Variants in BRWD1 observed in about 807,000 individuals in gnomAD.
BRWD1 encodes bromodomain and WD repeat domain containing 1.
In BRWD1, 82 loss-of-function variants were observed where a neutral mutation model predicts 251.2. That is an observed-to-expected ratio of 0.33 (90% CI 0.27 to 0.39). The LOEUF is 0.39. BRWD1 is among the 10% of genes least tolerant of loss of function. BRWD1 has a pLI of 1.00. For synonymous variants in BRWD1, 918 were observed against 902.8 expected (o/e 1.02, Z -0.30); for missense variants, 2,233 against 2,711.6 (o/e 0.82, Z 3.92).
intron 8 of BRWD1, among the ~76,000 whole-genome samples, chr21:39,289,446 A>G (rs150262388): frequency 1.3e-5 from 2 of 151,658 alleles, no homozygotes; most frequent in African/African-American, 4.8e-5. Flanking sequence ...GTTTATTTCC[A>G]TTTACCCACA....
At chr21:39,278,655 A>G in intron 10 of BRWD1, 88 bp downstream of exon 10, 1 of 897,118 alleles carries the variant, frequency 1.1e-6, no homozygotes, top group Non-Finnish European at 1.7e-6. Context: ...TTTACCATGT[A>G]GCTAATAAAA....
At position 39,289,831 on chromosome 21, in the gene BRWD1, T is replaced by C. The variant is rs1239068283; in HGVS notation, c.831+3980A>G. Among the ~76,000 whole-genome samples, 16 of 151,852 alleles carry C rather than the reference T, an allele frequency of 1.1e-4. No homozygotes were observed. The East Asian group carries it at 2.5e-3, about 24-fold the overall frequency. The stretch of plus-strand genomic sequence containing the variant: ...TGAGGTCAGGAGATCGAGACCATCT[T>C]GGCTAACACGGTGAAACCTCGTCTC... On this transcript the variant is annotated intron_variant, in intron 8 of 40. Transcript: ENST00000342449.
At chr21:39,209,273 T>C (rs1016343323) in intron 36 of BRWD1, among the ~76,000 whole-genome samples, 1 of 151,978 alleles carries the variant, frequency 6.6e-6, no homozygotes, top group Non-Finnish European at 1.5e-5. Flanking sequence ...TCAGAATCCA[T>C]GCCCTGAACC....
At chr21:39,315,119 C>T (rs137863439), upstream of BRWD1, among the ~76,000 whole-genome samples, 2,166 of 152,190 alleles carry the variant, frequency 0.014, 47 homozygotes, top group African/African-American at 0.049. Flanking sequence ...GCCTCAGCCT[C>T]CCGAGTAGCT....
At chr21:39,228,746 T>C (rs564466237) in intron 26 of BRWD1, among the ~76,000 whole-genome samples, 164 bp from the exon 27 acceptor site, 50 of 152,270 alleles carry the variant, frequency 3.3e-4, no homozygotes, top group African/African-American at 1.1e-3. Flanking sequence ...ATATTTTAAA[T>C]ATATCCAAAA....
Position 39,188,765 on chromosome 21 carries a change from A to G in BRWD1, c.*7494T>C. The G allele has an allele frequency of 1.0e-6, 1 of 985,424 alleles. No individual in the cohort carries two copies. The highest frequency in any genetic ancestry group is 1.2e-6 in the Non-Finnish European group (1 of 829,916). The allele number at this position is 985,424 out of a possible 1,614,324, so 61.0% of individuals were successfully genotyped here. ...CCCAGAATAGGTTAGGAAATACTTT[A>G]TTCAAAGCAACCCCACCACATACAC... On this transcript the variant is annotated 3_prime_UTR_variant, in exon 41 of 41. Transcript: ENST00000342449.
upstream of BRWD1, chr21:39,314,189 C>A (rs981174628): frequency 1.0e-4 from 47 of 456,018 alleles, no homozygotes; most frequent in African/African-American, 7.2e-4. Flanking sequence ...CGCCGCGCCT[C>A]CCGCAGAGGG....
intron 25 of BRWD1, among the ~76,000 whole-genome samples, chr21:39,231,970 T>A (rs1232208102): frequency 6.6e-6 from 1 of 152,210 alleles, no homozygotes; most frequent in African/African-American, 2.4e-5. Context: ...TTTAACATTT[T>A]ACACACCAAT....
intron 8 of BRWD1, among the ~76,000 whole-genome samples, chr21:39,291,758 C>T (rs894300506): frequency 1.3e-5 from 2 of 152,124 alleles, no homozygotes; most frequent in Non-Finnish European, 2.9e-5. Context: ...ACATATGTGT[C>T]AGCATGATTC....
intron 32 of BRWD1, 31 bp from the exon 33 acceptor site, chr21:39,213,584 G>A: frequency 7.0e-7 from 1 of 1,437,888 alleles, no homozygotes; most frequent in Non-Finnish European, 9.7e-7. Flanking sequence ...TTAATAGTAT[G>A]CAGATGTAGT....
At chr21:39,270,989 A>G (rs982319841) in intron 13 of BRWD1, among the ~76,000 whole-genome samples, 2 of 152,220 alleles carry the variant, frequency 1.3e-5, no homozygotes, top group Non-Finnish European at 2.9e-5. Flanking sequence ...AATGTTTTTC[A>G]TCCTTTATAA....
rs754661413 is a variant in BRWD1, at chr21:39,264,958, A to T, written c.1592T>A (p.Phe531Tyr). 1 of 1,613,864 alleles carries T rather than the reference A, an allele frequency of 6.2e-7. No homozygotes were observed. Among genetic ancestry groups the T allele is most frequent in the Admixed American group, 1.7e-5 (1 of 60,014 alleles). The change falls in exon 16 of 41, where the codon TTT becomes TAT. Residue 531 changes from phenylalanine (F) to tyrosine (Y), a missense_variant. Transcript: ENST00000342449. ...GTGCCCATGAGAATCTGTACAGGCA[A>T]AATGCTGTCCATCCTGTGAAAACTT... ...DCKFSQDGQH[F>Y]ACTDSHGHLL...
chr21:39,215,855 C>G (rs1408051037), intron 31 of BRWD1, among the ~76,000 whole-genome samples: 2 of 151,952 alleles, frequency 1.3e-5, no homozygotes. Flanking sequence ...AAAAAATTAG[C>G]CAGGCGTACT....
chr21:39,208,970 C>G (rs1051852251), intron 36 of BRWD1, among the ~76,000 whole-genome samples: 1 of 120,434 alleles, frequency 8.3e-6, no homozygotes, highest in Admixed American at 8.1e-5. Flanking sequence ...CTTAAGTTTA[C>G]AAAATGACAA....
intron 31 of BRWD1, chr21:39,217,054 TATATATATATATATATATATATATATATA>T (rs1568877968): frequency 3.9e-3 from 68 of 17,376 alleles, no homozygotes; most frequent in East Asian, 4.5e-3. Flanking sequence ...TATATATTTA[TATATATATATATATATATATATATATATA>T]TTTTTTTTTT....
At chr21:39,205,695 C>T (rs553590768) in intron 37 of BRWD1, among the ~76,000 whole-genome samples, 1 of 152,192 alleles carries the variant, frequency 6.6e-6, no homozygotes, top group South Asian at 2.1e-4. Flanking sequence ...CTGCTTGACC[C>T]GGGAGGCAGA....
intron 13 of BRWD1, among the ~76,000 whole-genome samples, chr21:39,274,091 GC>G (rs1460881334): frequency 2.6e-5 from 4 of 152,082 alleles, no homozygotes; most frequent in African/African-American, 9.7e-5. Context: ...ACTTGTAGAA[GC>G]TTTTAAATGC....
upstream of BRWD1, chr21:39,314,240 T>C (rs1406010805): frequency 2.2e-6 from 1 of 455,458 alleles, no homozygotes; most frequent in Non-Finnish European, 4.4e-6. Context: ...GGGGGCCTCG[T>C]ATGCTGGCGT....
intron 37 of BRWD1, among the ~76,000 whole-genome samples, chr21:39,204,552 G>A (rs2032298254): frequency 6.6e-6 from 1 of 152,110 alleles, no homozygotes; most frequent in African/African-American, 2.4e-5. Context: ...CAGTAATACT[G>A]AGGTACATTG....
Sources: gnomAD v4.1 joint callset for allele counts (sites outside exome capture counted in the v4.1 genomes callset) on GRCh38, gnomAD v4.1.1 for gene constraint, MANE v1.5 for transcripts, NCBI Gene and HGNC (gene_info 2026-07-23, HGNC 2026-07-21) for gene names.